Variants in NMT2 observed in about 807,000 individuals in gnomAD.
NMT2 encodes glycylpeptide N-tetradecanoyltransferase 2.
In NMT2, 35 loss-of-function variants were observed where a neutral mutation model predicts 65.4. That is an observed-to-expected ratio of 0.54 (90% CI 0.41 to 0.71). The LOEUF is 0.71. Among genes scored for constraint, NMT2 ranks in the 30% least tolerant of loss-of-function variants. NMT2 has a pLI of 0.00. For synonymous variants in NMT2, 226 were observed against 231.8 expected, an observed-to-expected ratio of 0.98 and a Z score of 0.23; for missense variants, 489 against 611.3, an observed-to-expected ratio of 0.80 and a Z score of 2.11.
At chr10:15,138,877 A>G (rs1846618532) in intron 2 of NMT2, among the ~76,000 whole-genome samples, 1 of 152,120 alleles carries the variant, frequency 6.6e-6, no homozygotes, top group African/African-American at 2.4e-5. Context: ...GATGGTTACT[A>G]CTGAGTGTCA....
At chr10:15,148,931 C>A (rs974209818) in intron 1 of NMT2, among the ~76,000 whole-genome samples, 9 of 152,252 alleles carry the variant, frequency 5.9e-5, no homozygotes, top group African/African-American at 1.9e-4. Context: ...ATTGATTTGG[C>A]AAACATTTTA....
intron 1 of NMT2, chr10:15,155,049 T>C (rs1333308440): frequency 1.6e-6 from 2 of 1,261,074 alleles, no homozygotes; most frequent in Admixed American, 1.7e-5. Context: ...AGGACCTGTA[T>C]GCTTCAGAAT....
In NMT2 at chr10:15,119,420, C is replaced by A; in HGVS notation, c.1093G>T (p.Ala365Ser). Residue 365 changes from alanine (A) to serine (S), a missense_variant, in exon 9 of 12, where the codon GCT becomes TCT. Ala to Ser is a moderately conservative substitution (Grantham distance 99). Coordinates refer to ENST00000378165, the MANE Select transcript of NMT2 (RefSeq NM_004808.3). ...ACTTCCTCTTCATCCATCACTGGAG[C>A]CAGATGAAACTGCTTCAGGTAAGTG... ...INTYLKQFHLAPVMDEEEVAH... is the reference protein window; with the variant it reads ...INTYLKQFHLSPVMDEEEVAH... 6.2e-7 allele frequency: 1 copy of A among 1,614,016 alleles called. No homozygotes were observed. The highest frequency in any genetic ancestry group is 2.2e-5 in the East Asian group (1 of 44,884).
chr10:15,136,574 C>A (rs575816401), intron 2 of NMT2, among the ~76,000 whole-genome samples: 1 of 152,080 alleles, frequency 6.6e-6, no homozygotes, highest in South Asian at 2.1e-4. Context: ...AATCTCTAAC[C>A]ATGCCCCTTC....
At position 15,141,534 on chromosome 10, in the gene NMT2, G is replaced by A. The variant is rs1466618553; in HGVS notation, c.134C>T (p.Ala45Val). 1.2e-6 allele frequency: 2 copies of A among 1,613,376 alleles called. No individual in the cohort carries two copies. Among genetic ancestry groups the A allele is most frequent in the East Asian group, 4.5e-5 (2 of 44,886 alleles). Residue 45 changes from alanine (A) to valine (V), a missense_variant, in exon 2 of 12, where the codon GCC becomes GTC. Coordinates refer to ENST00000378165, the MANE Select transcript of NMT2 (RefSeq NM_004808.3). ...AKGSPGGYLGAKKKKKKQKRK... is the reference protein window; with the variant it reads ...AKGSPGGYLGVKKKKKKQKRK... ...CTTCTGTTTCTTCTTTTTCTTTTTG[G>A]CTCCCAAATACCCTCCAGGACTTCT...
chr10:15,106,848 C>T lies in NMT2; in HGVS notation c.*2347G>A, dbSNP rs1845320267. The T allele has an allele frequency of 6.1e-6, 1 of 163,802 alleles. No individual in the cohort carries two copies. The highest frequency in any genetic ancestry group is 6.5e-5 in the Admixed American group (1 of 15,286). The allele number at this position is 163,802 out of a possible 1,614,324, so 10.1% of individuals were successfully genotyped here. A position where few individuals can be genotyped will look rare whatever the true frequency, so the allele number is the denominator to read the frequency against. On this transcript the variant is annotated 3_prime_UTR_variant, in exon 12 of 12. Transcript: ENST00000378165. ...AAGAGTGGTGGCTCATGTCTATAAT[C>T]CCAGTACTTTGGGAGGCCAAGGCAG... is the stretch of plus-strand genomic sequence containing the variant.
At chr10:15,156,553 A>G (rs1833007302) in intron 1 of NMT2, among the ~76,000 whole-genome samples, 2 of 152,172 alleles carry the variant, frequency 1.3e-5, no homozygotes, top group African/African-American at 4.8e-5. Context: ...ATATGAATAT[A>G]CCAAGGCATG....
At chr10:15,128,525 C>T (rs1156811828) in intron 7 of NMT2, 67 bp from the exon 8 acceptor site, 49 of 1,002,144 alleles carry the variant, frequency 4.9e-5, no homozygotes, top group Non-Finnish European at 7.1e-5. Context: ...CTCTTTGTCT[C>T]AGCTTGGCTG....
At position 15,108,045 on chromosome 10, in the gene NMT2, G is replaced by A; in HGVS notation, c.*1150C>T. On this transcript the variant is annotated 3_prime_UTR_variant, in exon 12 of 12. Transcript: ENST00000378165. Reference sequence around the variant, plus strand: ...CATTCAAACTATCAATGCCCTGATAGCACGAATAAGTTCCACCAGGCATCT... The same window carrying A: ...CATTCAAACTATCAATGCCCTGATAACACGAATAAGTTCCACCAGGCATCT... The A allele has an allele frequency of 6.1e-6, 6 of 985,748 alleles. No individual in the cohort carries two copies. Among genetic ancestry groups the A allele is most frequent in the Non-Finnish European group, 7.2e-6 (6 of 829,922 alleles). The allele number at this position is 985,748 out of a possible 1,614,324, so 61.1% of individuals were successfully genotyped here. A position where few individuals can be genotyped will look rare whatever the true frequency, so the allele number is the denominator to read the frequency against.
chr10:15,164,602 C>T (rs771759040), intron 1 of NMT2, among the ~76,000 whole-genome samples: 7 of 152,214 alleles, frequency 4.6e-5, no homozygotes, highest in Non-Finnish European at 1.0e-4. Context: ...CTAAATAATT[C>T]TTCAACAATT....
chr10:15,132,021 A>G (rs962778020), intron 6 of NMT2, among the ~76,000 whole-genome samples: 6 of 152,080 alleles, frequency 3.9e-5, no homozygotes, highest in African/African-American at 1.2e-4. Context: ...ACGTGCCACT[A>G]TGCTGGCTAA....
Position 15,128,392 on chromosome 10 carries a change from AT to A in NMT2, c.956del (p.Asn319IlefsTer2). 6.2e-7 allele frequency: 1 copy of A among 1,610,656 alleles called. No homozygotes were observed. The highest frequency in any genetic ancestry group is 8.5e-7 in the Non-Finnish European group (1 of 1,176,960). On this transcript the variant is annotated frameshift_variant, in exon 8 of 12. Transcript: ENST00000378165. LOFTEE classifies it high-confidence loss of function. ...VEVKFSHLSR[N>X]MTLQRTMKLY... ...GCTTCATTGTTCTCTGTAAAGTCAT[AT>A]TTCTACTCAAGTGAGAAAATTTCAC...
intron 1 of NMT2, among the ~76,000 whole-genome samples, chr10:15,143,544 T>C (rs1846848869): frequency 6.6e-6 from 1 of 152,206 alleles, no homozygotes; most frequent in Non-Finnish European, 1.5e-5. Context: ...TGAAAATATA[T>C]TTGTCCTGAG....
At chr10:15,129,016 A>AC (rs1431563912) in intron 7 of NMT2, among the ~76,000 whole-genome samples, 1 of 152,200 alleles carries the variant, frequency 6.6e-6, no homozygotes. Context: ...ACACACACAC[A>AC]AAAAAGAAAT....
chr10:15,136,294 G>A (rs1361045537), intron 2 of NMT2, among the ~76,000 whole-genome samples: 2 of 149,500 alleles, frequency 1.3e-5, no homozygotes, highest in South Asian at 2.1e-4. Flanking sequence ...AGGAGGGAGA[G>A]AGAGAGAAGG....
intron 9 of NMT2, among the ~76,000 whole-genome samples, chr10:15,114,428 T>C (rs1845676913): frequency 6.6e-6 from 1 of 152,034 alleles, no homozygotes; most frequent in Non-Finnish European, 1.5e-5. Flanking sequence ...CCCAATCAAT[T>C]GTAAAGACTG....
chr10:15,129,729 T>C (rs1327245514), intron 7 of NMT2, among the ~76,000 whole-genome samples: 1 of 151,970 alleles, frequency 6.6e-6, no homozygotes, highest in African/African-American at 2.4e-5. Context: ...ACCAACATGG[T>C]GAAACCCTGT....
rs572966289 is a variant in NMT2 at position 15,106,154 on chromosome 10, C to T, written c.*3041G>A. On this transcript the variant is annotated 3_prime_UTR_variant, in exon 12 of 12. Coordinates refer to ENST00000378165, the MANE Select transcript of NMT2 (RefSeq NM_004808.3). ...GATTACAGGTGCACACCCCCATGTCCGGCTAGTTTTTGTAATTTTAGTAGA... is the reference window on the plus strand; with the variant it reads ...GATTACAGGTGCACACCCCCATGTCTGGCTAGTTTTTGTAATTTTAGTAGA... 7.6e-4 allele frequency: 183 copies of T among 240,858 alleles called. 1 individual carries two copies. The highest frequency in any genetic ancestry group is 3.8e-3 in the African/African-American group (161 of 42,094). The allele number at this position is 240,858 out of a possible 1,614,324, so 14.9% of individuals were successfully genotyped here.
At chr10:15,133,476 C>G (rs1846360505) in intron 3 of NMT2, 113 bp from the exon 4 acceptor site, 2 of 757,046 alleles carry the variant, frequency 2.6e-6, no homozygotes, top group Admixed American at 2.0e-5. Flanking sequence ...GACTTAGGGC[C>G]CTCGGGTTTC....
Sources: allele counts gnomAD v4.1 joint callset (sites outside exome capture counted in the v4.1 genomes callset), GRCh38; gene constraint gnomAD v4.1.1; transcripts MANE v1.5; gene names NCBI Gene and HGNC (gene_info 2026-07-23, HGNC 2026-07-21).